The following ANKS1B variants were observed in gnomAD, a reference collection of about 807,000 sequenced individuals.
The protein encoded by ANKS1B is ankyrin repeat and sterile alpha motif domain-containing protein 1B.
ANKS1B carries 36 observed loss-of-function variants against 148.3 expected under a neutral mutation model. The observed-to-expected ratio is 0.24, with a 90% CI of 0.19 to 0.32. The LOEUF (loss-of-function observed/expected upper bound fraction) is 0.32, where lower values mean the gene tolerates loss of function less well. Ranked by LOEUF, ANKS1B falls within the 10% of genes least tolerant of loss-of-function variation. ANKS1B has a pLI of 1.00. For synonymous variants in ANKS1B, 542 were observed against 560.8 expected (o/e 0.97, Z 0.47); for missense variants, 1,157 against 1,542.6 (o/e 0.75, Z 4.19).
intron 19 of ANKS1B, among the ~76,000 whole-genome samples, chr12:98,809,748 C>T (rs145348449): frequency 4.1e-4 from 62 of 152,282 alleles, no homozygotes; most frequent in African/African-American, 7.9e-4. Context: ...ACCGACTGAA[C>T]GGACCCCCTT....
intron 11 of ANKS1B, among the ~76,000 whole-genome samples, chr12:99,416,180 T>C (rs745539413): frequency 2.0e-5 from 3 of 152,234 alleles, no homozygotes; most frequent in African/African-American, 4.8e-5. Context: ...ATCCAAGCTG[T>C]TGTGTGTATC....
chr12:99,513,891 C>A lies in ANKS1B; in HGVS notation c.1273-9250G>T, dbSNP rs540085563. On this transcript the variant is annotated intron_variant, in intron 9 of 26. Coordinates refer to ENST00000683438, the MANE Select transcript of ANKS1B (RefSeq NM_001352186.2). Reference sequence around the variant, plus strand: ...CTTCTAAGAGTAAGTAAGGTCAAAGCAAACTCATTTATTTTCATCATAACT... The same window carrying A: ...CTTCTAAGAGTAAGTAAGGTCAAAGAAAACTCATTTATTTTCATCATAACT... Among the ~76,000 whole-genome samples, 17 of 152,086 alleles carry A rather than the reference C, an allele frequency of 1.1e-4. No individual in the cohort carries two copies. The South Asian group carries it at 3.3e-3, about 30-fold the overall frequency.
At chr12:99,929,848 T>C (rs1312306627) in intron 1 of ANKS1B, among the ~76,000 whole-genome samples, 4 of 151,618 alleles carry the variant, frequency 2.6e-5, no homozygotes, top group Non-Finnish European at 5.9e-5. Flanking sequence ...TTCTGTTCCA[T>C]TGGTCTATAT....
intron 12 of ANKS1B, among the ~76,000 whole-genome samples, chr12:99,297,476 C>A (rs1186831661): frequency 6.6e-6 from 1 of 152,154 alleles, no homozygotes; most frequent in African/African-American, 2.4e-5. Flanking sequence ...ATTGAACCCA[C>A]CAAACTTGTG....
chr12:99,773,157 A>G (rs11110032), intron 7 of ANKS1B, 69 bp from the exon 8 acceptor site: 334,613 of 1,338,438 alleles, frequency 0.25, 42,673 homozygotes, highest in African/African-American at 0.3. Context: ...AGCAATAAAA[A>G]TATGACTGCT....
chr12:99,617,722 G>A (rs1286818406), intron 9 of ANKS1B, among the ~76,000 whole-genome samples: 1 of 151,862 alleles, frequency 6.6e-6, no homozygotes, highest in East Asian at 1.9e-4. Context: ...GGGTTGATAG[G>A]TGCAGCAAAC....
intron 14 of ANKS1B, among the ~76,000 whole-genome samples, chr12:99,177,148 A>G (rs1209453925): frequency 1.3e-5 from 2 of 152,194 alleles, no homozygotes; most frequent in African/African-American, 2.4e-5. Flanking sequence ...ACTATGTTCC[A>G]AGTCTTGGCA....
At chr12:99,116,712 G>A (rs2372722) in intron 15 of ANKS1B, among the ~76,000 whole-genome samples, 7,166 of 152,126 alleles carry the variant, frequency 0.047, 341 homozygotes, top group African/African-American at 0.11. Flanking sequence ...GAAATTTAAA[G>A]TAGTTTTTTT....
intron 16 of ANKS1B, among the ~76,000 whole-genome samples, chr12:99,055,565 G>T (rs1366090150): frequency 1.3e-5 from 2 of 149,130 alleles, no homozygotes; most frequent in Non-Finnish European, 3.0e-5. Context: ...GTCGGTGGTG[G>T]CCAAAGAATC....
chr12:99,867,828 T>C (rs187454977), intron 1 of ANKS1B, among the ~76,000 whole-genome samples: 1 of 152,260 alleles, frequency 6.6e-6, no homozygotes, highest in Non-Finnish European at 1.5e-5. Context: ...GAAGCCAGGA[T>C]AGTATTAATA....
chr12:99,958,573 C>T (rs754672169), intron 1 of ANKS1B, among the ~76,000 whole-genome samples: 20 of 152,134 alleles, frequency 1.3e-4, no homozygotes, highest in Non-Finnish European at 1.8e-4. Context: ...TTAGCAGAGA[C>T]GGGGTTTCGC....
Position 99,775,635 on chromosome 12 carries a change from T to G in ANKS1B, c.874A>C (p.Thr292Pro). 6.2e-7 allele frequency: 1 copy of G among 1,611,170 alleles called. No homozygotes were observed. The highest frequency in any genetic ancestry group is 8.5e-7 in the Non-Finnish European group (1 of 1,177,878). ...TCCTGTACAGGCTCTTCGAGGACTG[T>G]AGATCTTCCCACGCCTTCTAAATAC... ...QEYLEGVGRS[T>P]VLEEPVQEDA... The change falls in exon 7 of 27, where the codon ACA becomes CCA. Residue 292 changes from threonine (T) to proline (P), a missense_variant. Physicochemically the swap from Thr to Pro is conservative, Grantham distance 38 (BLOSUM62 -1). This residue lies in a region of ANKS1B where 661 missense variants were observed against 642.1 expected (regional missense o/e 1.03). Transcript: ENST00000683438.
intron 9 of ANKS1B, among the ~76,000 whole-genome samples, chr12:99,554,384 C>T (rs1202409024): frequency 6.6e-6 from 1 of 152,060 alleles, no homozygotes; most frequent in Admixed American, 6.6e-5. Context: ...TCTTTCTCTC[C>T]CACGTTAGTA....
At chr12:99,688,126 G>T (rs1277960759) in intron 8 of ANKS1B, among the ~76,000 whole-genome samples, 1 of 152,092 alleles carries the variant, frequency 6.6e-6, no homozygotes, top group African/African-American at 2.4e-5. Flanking sequence ...TCACTGTTGG[G>T]AATATAAAAC....
At chr12:99,071,295 A>G (rs972028793) in intron 16 of ANKS1B, among the ~76,000 whole-genome samples, 1 of 152,258 alleles carries the variant, frequency 6.6e-6, no homozygotes, top group African/African-American at 2.4e-5. Flanking sequence ...GAACAGAAAT[A>G]TCTCACTTGA....
intron 17 of ANKS1B, among the ~76,000 whole-genome samples, chr12:98,863,918 C>G (rs2099611887): frequency 6.6e-6 from 1 of 152,336 alleles, no homozygotes; most frequent in African/African-American, 2.4e-5. Context: ...ATTACTTACA[C>G]ACGCATACGT....
chr12:99,569,236 G>A (rs1232853643), intron 9 of ANKS1B, among the ~76,000 whole-genome samples: 1 of 152,170 alleles, frequency 6.6e-6, no homozygotes, highest in East Asian at 1.9e-4. Flanking sequence ...TAATGGATGT[G>A]CTGTCTGGAG....
intron 17 of ANKS1B, among the ~76,000 whole-genome samples, chr12:98,935,786 G>A (rs936844108): frequency 6.6e-6 from 1 of 152,096 alleles, no homozygotes; most frequent in African/African-American, 2.4e-5. Flanking sequence ...TTCTATTTGT[G>A]GGTCTCTACC....
intron 17 of ANKS1B, among the ~76,000 whole-genome samples, chr12:98,875,064 G>A (rs1274738428): frequency 3.9e-5 from 6 of 152,168 alleles, no homozygotes; most frequent in African/African-American, 1.4e-4. Context: ...TCGAAATACT[G>A]TACCATCTGT....
Sources: gnomAD v4.1 joint callset for allele counts (sites outside exome capture counted in the v4.1 genomes callset) on GRCh38, gnomAD v4.1.1 for gene constraint, gnomAD v4.1.1 regional missense constraint, MANE v1.5 for transcripts, NCBI Gene and HGNC (gene_info 2026-07-23, HGNC 2026-07-21) for gene names.